The following CHD7 variants were observed in gnomAD, a reference collection of about 807,000 sequenced individuals.
CHD7 encodes chromodomain helicase DNA binding protein 7, also known as ATP-dependent chromatin remodeler CHD7.
CHD7 carries 24 observed loss-of-function variants against 307.3 expected under a neutral mutation model. That is an observed-to-expected ratio of 0.08 (90% CI 0.06 to 0.11). CHD7 has a LOEUF of 0.11. Among genes scored for constraint, CHD7 ranks in the 10% least tolerant of loss-of-function variants. CHD7 has a pLI of 1.00. For synonymous variants in CHD7, 1,363 were observed against 1,349.9 expected, an observed-to-expected ratio of 1.01 and a Z score of -0.21; for missense variants, 3,106 against 3,727.1, an observed-to-expected ratio of 0.83 and a Z score of 4.34.
At position 60,844,878 on chromosome 8, in the gene CHD7, C is replaced by A. The variant is rs1805136103; in HGVS notation, c.4865C>A (p.Thr1622Lys). ...NLLVYGWGRWTDILSHGRYKR... is the reference protein window; with the variant it reads ...NLLVYGWGRWKDILSHGRYKR... ...TTGCTTTGCAGTTGGGGACGGTGGA[C>A]AGACATTCTTTCCCACGGACGCTAT... Residue 1622 changes from threonine to lysine, a missense_variant, in exon 22 of 38, where the codon ACA (threonine) becomes AAA (lysine). Around this residue, in one of 10 missense-constraint regions of CHD7, gnomAD observed 122 missense variants for 124.5 expected, o/e 0.98. Coordinates refer to ENST00000423902, the MANE Select transcript of CHD7 (RefSeq NM_017780.4). 2 of 1,601,062 alleles carry A rather than the reference C, an allele frequency of 1.2e-6. No individual in the cohort carries two copies. Among genetic ancestry groups the A allele is most frequent in the East Asian group, 2.2e-5 (1 of 44,658 alleles).
chr8:60,711,538 C>T (rs932191515), intron 1 of CHD7, among the ~76,000 whole-genome samples: 13 of 152,080 alleles, frequency 8.5e-5, no homozygotes, highest in South Asian at 2.1e-4. Context: ...TGAAATCTTT[C>T]GTTATTTGAT....
chr8:60,851,982 A>G lies in CHD7; in HGVS notation c.5666-37A>G, dbSNP rs368999695. 2.8e-6 allele frequency: 4 copies of G among 1,421,682 alleles called. No individual in the cohort carries two copies. The African/African-American group carries it at 5.6e-5, about 20-fold the overall frequency. 88.1% of individuals were successfully genotyped at this position (1,421,682 alleles called of 1,614,324 possible). A position where few individuals can be genotyped will look rare whatever the true frequency, so the allele number is the denominator to read the frequency against. On this transcript the variant is annotated intron_variant, in intron 28 of 37. Coordinates refer to ENST00000423902, the MANE Select transcript of CHD7 (RefSeq NM_017780.4). Reference sequence around the variant, plus strand: ...GGAATACTCTGTATTGCAAGATTGCAGCTACACATTTCAAAAATGTTTTTC... The same window carrying G: ...GGAATACTCTGTATTGCAAGATTGCGGCTACACATTTCAAAAATGTTTTTC...
intron 2 of CHD7, among the ~76,000 whole-genome samples, chr8:60,762,147 C>T (rs1413097946): frequency 1.3e-5 from 2 of 152,156 alleles, no homozygotes; most frequent in South Asian, 2.1e-4. Flanking sequence ...TAGGTCCTCT[C>T]AGTAAAGTCC....
Position 60,856,028 on chromosome 8 carries a change from C to T in CHD7, c.6990C>T (p.Gly2330=), listed in dbSNP as rs559382275. 237 of 1,611,638 alleles carry T rather than the reference C, an allele frequency of 1.5e-4. 2 individuals carry two copies. In the African/African-American group the frequency reaches 3.0e-3, roughly 20 times the overall value. ...ACATCTGTGAAGCAGTGTTGAAAGG[C>T]AAATGGCCAGTAAATAGGCGCCAGA... The part of the protein sequence containing the change: ...LDNICEAVLK[G]KWPVNRRQMF... The change falls in exon 33 of 38, where the codon GGC becomes GGT. Residue 2330 remains glycine, a synonymous_variant. Transcript: ENST00000423902.
At chr8:60,810,380 AGT>A (rs112629399) in intron 7 of CHD7, among the ~76,000 whole-genome samples, 12,674 of 145,326 alleles carry the variant, frequency 0.087, 1,377 homozygotes, top group African/African-American at 0.27. Context: ...AGAGAGAGAG[AGT>A]GTGTGTGTGT....
rs71245516 is a variant in CHD7, at chr8:60,714,406, GCCCCCCCCCCCC to G, written c.-174-26843_-174-26832del. Among the ~76,000 whole-genome samples the G allele has an allele frequency of 4.5e-4, 8 of 17,622 alleles. 1 individual carries two copies. The highest frequency in any genetic ancestry group is 1.5e-3 in the Admixed American group (2 of 1,292). 11.6% of individuals were successfully genotyped at this position (17,622 alleles called of 152,430 possible). A position where few individuals can be genotyped will look rare whatever the true frequency, so the allele number is the denominator to read the frequency against. ...CTGACAACATGGCGGCCGGGAGAAG[GCCCCCCCCCCCC>G]CCCCCCCCCGCCCCGCACACCGCCA... is the stretch of plus-strand genomic sequence containing the variant. On this transcript the variant is annotated intron_variant, in intron 1 of 37. Coordinates refer to ENST00000423902, the MANE Select transcript of CHD7 (RefSeq NM_017780.4).
intron 1 of CHD7, among the ~76,000 whole-genome samples, chr8:60,714,285 C>T (rs1006518365): frequency 1.3e-5 from 2 of 152,090 alleles, no homozygotes; most frequent in Admixed American, 6.5e-5. Context: ...TGGCCTCCCA[C>T]CCACTCGGGG....
chr8:60,787,467 T>C (rs1811545120), intron 3 of CHD7, among the ~76,000 whole-genome samples: 1 of 152,230 alleles, frequency 6.6e-6, no homozygotes, highest in Non-Finnish European at 1.5e-5. Context: ...AAAAGGCCAT[T>C]GAAAGGCCTA....
intron 25 of CHD7, 77 bp from the exon 26 acceptor site, chr8:60,850,416 C>A: frequency 6.6e-7 from 1 of 1,512,250 alleles, no homozygotes; most frequent in Non-Finnish European, 9.0e-7. Context: ...TGTGTTGTGG[C>A]AGTGCTGTGA....
At chr8:60,791,483 A>G (rs1162537138) in intron 3 of CHD7, among the ~76,000 whole-genome samples, 1 of 152,226 alleles carries the variant, frequency 6.6e-6, no homozygotes, top group Non-Finnish European at 1.5e-5. Flanking sequence ...TCTTAAAGAC[A>G]TTCTCATCCC....
chr8:60,739,078 A>G (rs966450533), intron 1 of CHD7, among the ~76,000 whole-genome samples: 2 of 152,144 alleles, frequency 1.3e-5, no homozygotes, highest in Non-Finnish European at 2.9e-5. Flanking sequence ...CTCTGAGCTC[A>G]GTGGGCTTGC....
Position 60,865,182 on chromosome 8 carries a change from G to T in CHD7, c.8243G>T (p.Ser2748Ile). 1 of 1,612,116 alleles carries T rather than the reference G, an allele frequency of 6.2e-7. No individual in the cohort carries two copies. Among genetic ancestry groups the T allele is most frequent in the Non-Finnish European group, 8.5e-7 (1 of 1,179,198 alleles). Reference protein sequence around the residue: ...TSGINPLLVNSLFAGMDLTSL... With the variant: ...TSGINPLLVNILFAGMDLTSL... ...GGGATCAACCCTTTGCTGGTGAACA[G>T]CCTGTTTGCTGGAATGGACCTGACG... is the stretch of plus-strand genomic sequence containing the variant. The change falls in exon 38 of 38, where the codon AGC becomes ATC. Residue 2748 changes from serine (S) to isoleucine (I), a missense_variant. Ser to Ile is a moderately radical substitution (Grantham distance 142). Around this residue, in one of 10 missense-constraint regions of CHD7, gnomAD observed 351 missense variants for 366.2 expected, o/e 0.96. Transcript: ENST00000423902. The surrounding 1 kb of genome is among the most constrained non-coding windows in gnomAD (Gnocchi z 4.3).
chr8:60,714,670 C>T (rs1048561515), intron 1 of CHD7, among the ~76,000 whole-genome samples: 7 of 152,136 alleles, frequency 4.6e-5, no homozygotes, highest in Admixed American at 1.3e-4. Context: ...CTGTTCCGAG[C>T]CCTTCTTGCC....
intron 1 of CHD7, among the ~76,000 whole-genome samples, chr8:60,724,132 C>T (rs1373185586): frequency 6.6e-6 from 1 of 152,212 alleles, no homozygotes; most frequent in Non-Finnish European, 1.5e-5. Context: ...GGATTCCCTT[C>T]ATTATCTGGG....
At chr8:60,813,456 T>C (rs1812904796) in intron 7 of CHD7, among the ~76,000 whole-genome samples, 1 of 152,188 alleles carries the variant, frequency 6.6e-6, no homozygotes, top group African/African-American at 2.4e-5. Context: ...ACAGTGGAGA[T>C]AGTAGGTATC....
At chr8:60,813,174 GTT>G (rs1331656704) in intron 7 of CHD7, among the ~76,000 whole-genome samples, 2 of 152,072 alleles carry the variant, frequency 1.3e-5, no homozygotes, top group Non-Finnish European at 2.9e-5. Context: ...TGTGAAAGAG[GTT>G]TTCTCTAACA....
chr8:60,794,997 C>T lies in CHD7; in HGVS notation c.2108C>T (p.Pro703Leu). The T allele has an allele frequency of 1.2e-6, 2 of 1,612,764 alleles. 1 individual carries two copies. The highest frequency in any genetic ancestry group is 2.2e-5 in the South Asian group (2 of 90,848). The change falls in exon 4 of 38, where the codon CCT becomes CTT. Residue 703 changes from proline to leucine, a missense_variant. This residue lies in a region of CHD7 where 998 missense variants were observed against 1,004.5 expected (regional missense o/e 0.99). Transcript: ENST00000423902. ...ACTTTGAATTCTAGTAATAAGAAAC[C>T]TGACTCAGAAGCAAGTGCTTTGAAG... ...KSSKKSSNKK[P>L]DSEASALKKK...
At chr8:60,696,701 C>G (rs1456439878) in intron 1 of CHD7, among the ~76,000 whole-genome samples, 1 of 151,776 alleles carries the variant, frequency 6.6e-6, no homozygotes, top group Non-Finnish European at 1.5e-5. Flanking sequence ...AAGAAACTCT[C>G]TGATACTGTA....
At chr8:60,765,261 TTATA>T (rs1293154148) in intron 2 of CHD7, among the ~76,000 whole-genome samples, 20 of 151,238 alleles carry the variant, frequency 1.3e-4, no homozygotes, top group Admixed American at 7.9e-4. Flanking sequence ...ACACATGTAT[TTATA>T]TATGTGCATA....
Sources: gnomAD v4.1 joint callset for allele counts (sites outside exome capture counted in the v4.1 genomes callset) on GRCh38, gnomAD v4.1.1 for gene constraint, gnomAD v4.1.1 regional missense constraint, Gnocchi (gnomAD v3.1) non-coding constraint, MANE v1.5 for transcripts, NCBI Gene and HGNC (gene_info 2026-07-23, HGNC 2026-07-21) for gene names.